CHKA: variants seen among roughly 807,000 people sequenced by gnomAD.
CHKA encodes the protein choline kinase alpha, also known as CHETK-alpha.
CHKA carries 34 observed loss-of-function variants against 60.1 expected under a neutral mutation model. The ratio of observed to expected loss-of-function variants is 0.57; its 90% CI spans 0.43 to 0.75. The LOEUF is 0.75. Among genes scored for constraint, CHKA ranks in the 30% least tolerant of loss-of-function variants. The pLI, the probability that CHKA is intolerant of heterozygous loss-of-function variation, is 0.00. For synonymous variants in CHKA, 217 were observed against 223.1 expected, an observed-to-expected ratio of 0.97 and a Z score of 0.24; for missense variants, 563 against 561.3, an observed-to-expected ratio of 1.00 and a Z score of -0.03.
At chr11:68,084,193 G>A (rs1481402285) in intron 2 of CHKA, among the ~76,000 whole-genome samples, 1 of 147,782 alleles carries the variant, frequency 6.8e-6, no homozygotes, top group Non-Finnish European at 1.5e-5. Flanking sequence ...GTTGTAGTGA[G>A]CCAAGATCAC....
chr11:68,077,774 G>A (rs1856841622), intron 3 of CHKA, among the ~76,000 whole-genome samples: 1 of 152,126 alleles, frequency 6.6e-6, no homozygotes, highest in African/African-American at 2.4e-5. Flanking sequence ...AGGGTGACTG[G>A]TGTGGTGGTG....
chr11:68,065,831 AG>A lies in CHKA; in HGVS notation c.1079del (p.Pro360LeufsTer42), dbSNP rs1856423772. On this transcript the variant is annotated frameshift_variant, in exon 9 of 12. Transcript: ENST00000265689. LOFTEE classifies it high-confidence loss of function. ...WMYDYSYEKY[P>X]FFRANIRKYP... Reference sequence around the variant, plus strand: ...ACTTCCGGATGTTTGCTCTGAAAAAAGGGTATTTTTCATAGCTATAATCATA... The same window carrying A: ...ACTTCCGGATGTTTGCTCTGAAAAAAGGTATTTTTCATAGCTATAATCATA... 2 of 1,607,644 alleles carry A rather than the reference AG, an allele frequency of 1.2e-6. No homozygotes were observed. The highest frequency in any genetic ancestry group is 2.7e-5 in the African/African-American group (2 of 74,852).
rs900372938 is a variant in CHKA at position 68,121,326 on chromosome 11, G to GCTGCGGCGACTGCGGCGA, written c.-167_-150dup. On this transcript the variant is annotated 5_prime_UTR_variant, in exon 1 of 12. Transcript: ENST00000265689. ...TTGGGCGCGCGGGGCGGCGGCGGCG[G>GCTGCGGCGACTGCGGCGA]CTGCGGCGACTGCGGCGACTGTGGA... The GCTGCGGCGACTGCGGCGA allele has an allele frequency of 3.8e-4, 107 of 278,648 alleles. No individual in the cohort carries two copies. The highest frequency in any genetic ancestry group is 2.1e-3 in the Admixed American group (33 of 15,584). 17.3% of individuals were successfully genotyped at this position (278,648 alleles called of 1,614,324 possible).
chr11:68,107,178 A>AG (rs1456758209), intron 1 of CHKA, among the ~76,000 whole-genome samples: 1 of 151,880 alleles, frequency 6.6e-6, no homozygotes, highest in Non-Finnish European at 1.5e-5. Flanking sequence ...CTTGAACCTG[A>AG]GCAGCAGTGA....
intron 2 of CHKA, among the ~76,000 whole-genome samples, chr11:68,083,681 T>G (rs991206195): frequency 4.6e-5 from 7 of 152,102 alleles, no homozygotes; most frequent in African/African-American, 1.4e-4. Context: ...ATATTGGCAC[T>G]ATAAGTGGTA....
chr11:68,120,795 T>A, intron 1 of CHKA, 33 bp downstream of exon 1: 2 of 1,001,188 alleles, frequency 2.0e-6, no homozygotes, highest in Non-Finnish European at 2.5e-6. Context: ...GTCACCTGAC[T>A]GTCCCGCGGC....
chr11:68,077,171 C>T (rs1315762791), intron 3 of CHKA, among the ~76,000 whole-genome samples: 1 of 151,088 alleles, frequency 6.6e-6, no homozygotes, highest in East Asian at 1.9e-4. Context: ...ACATGGGAGG[C>T]AGAGGTTGCA....
At chr11:68,070,421 G>GGC in intron 5 of CHKA, 128 bp from the exon 6 acceptor site, 1 of 734,876 alleles carries the variant, frequency 1.4e-6, no homozygotes, top group Non-Finnish European at 2.3e-6. Context: ...GGACCCCTCT[G>GGC]ACTGCCATGA....
chr11:68,079,777 C>T (rs1224994956), intron 3 of CHKA, among the ~76,000 whole-genome samples: 4 of 152,118 alleles, frequency 2.6e-5, no homozygotes, highest in Admixed American at 6.5e-5. Context: ...GTGAGACATC[C>T]GAGGAGAGAC....
rs1414939268 is a variant in CHKA at position 68,097,140 on chromosome 11, A to G, written c.351-10T>C. On this transcript the variant is annotated splice_polypyrimidine_tract_variant and intron_variant, in intron 1 of 11. Coordinates refer to ENST00000265689, the MANE Select transcript of CHKA (RefSeq NM_001277.3). ...GTTGCTAAGGCCGCCTCTGTCAGAA[A>G]TAAGAGGACAGTAAGTATCTTTATT... is the stretch of plus-strand genomic sequence containing the variant. The G allele has an allele frequency of 6.2e-7, 1 of 1,600,838 alleles. No individual in the cohort carries two copies. The highest frequency in any genetic ancestry group is 8.6e-7 in the Non-Finnish European group (1 of 1,168,910).
intron 2 of CHKA, among the ~76,000 whole-genome samples, chr11:68,096,646 A>G (rs1423472171): frequency 6.6e-6 from 1 of 152,218 alleles, no homozygotes; most frequent in African/African-American, 2.4e-5. Context: ...TCTTTTGGAT[A>G]ATGTTATAAA....
intron 11 of CHKA, 24 bp downstream of exon 11, chr11:68,061,929 A>C: frequency 6.6e-7 from 1 of 1,519,280 alleles, no homozygotes; most frequent in Non-Finnish European, 8.9e-7. Context: ...GAAAAAAAAA[A>C]ACAAAAACGC....
chr11:68,062,450 G>A (rs532145951), intron 10 of CHKA, among the ~76,000 whole-genome samples: 14 of 152,314 alleles, frequency 9.2e-5, no homozygotes, highest in African/African-American at 3.4e-4. Context: ...TGCTGGAGGC[G>A]GGATGAAGCT....
At chr11:68,100,567 G>A (rs897331341) in intron 1 of CHKA, among the ~76,000 whole-genome samples, 1 of 150,560 alleles carries the variant, frequency 6.6e-6, no homozygotes, top group Non-Finnish European at 1.5e-5. Flanking sequence ...TCCAGCCTGG[G>A]GGACAAGAAC....
At chr11:68,068,657 A>C (rs1280589522) in intron 7 of CHKA, among the ~76,000 whole-genome samples, 2 of 152,068 alleles carry the variant, frequency 1.3e-5, no homozygotes, top group Admixed American at 6.6e-5. Flanking sequence ...GGCTCAAGCA[A>C]TCCTCCCACC....
intron 1 of CHKA, among the ~76,000 whole-genome samples, chr11:68,102,162 T>A (rs1229125378): frequency 6.7e-6 from 1 of 149,406 alleles, no homozygotes; most frequent in Non-Finnish European, 1.5e-5. Flanking sequence ...TTCAATGCAA[T>A]CCCTATCAAA....
chr11:68,089,603 T>C (rs1191087436), intron 2 of CHKA, among the ~76,000 whole-genome samples: 2 of 152,240 alleles, frequency 1.3e-5, no homozygotes, highest in African/African-American at 2.4e-5. Context: ...GAAAGGAATC[T>C]GATTTGCTTT....
intron 3 of CHKA, among the ~76,000 whole-genome samples, chr11:68,079,051 A>C (rs998779451): frequency 1.3e-5 from 2 of 151,128 alleles, no homozygotes; most frequent in African/African-American, 4.9e-5. Flanking sequence ...CTCCTGCCTC[A>C]GCCTCCCGAG....
Position 68,060,234 on chromosome 11 carries a change from G to A in CHKA, c.1314+1719C>T, listed in dbSNP as rs191702183. On this transcript the variant is annotated intron_variant, in intron 11 of 11. Transcript: ENST00000265689. Reference sequence around the variant, plus strand: ...TTTTTAGTAGAGACGGGGTTTCACCGTGTTTGCCAGGATGGTCTCGATCTC... The same window carrying A: ...TTTTTAGTAGAGACGGGGTTTCACCATGTTTGCCAGGATGGTCTCGATCTC... 9.2e-3 allele frequency among the ~76,000 whole-genome samples: 1,396 copies of A among 151,274 alleles called. 14 individuals carry two copies. Among genetic ancestry groups the A allele is most frequent in the African/African-American group, 0.029 (1,214 of 41,196 alleles).
Sources: allele counts gnomAD v4.1 joint callset (sites outside exome capture counted in the v4.1 genomes callset), GRCh38; gene constraint gnomAD v4.1.1; transcripts MANE v1.5; gene names NCBI Gene and HGNC (gene_info 2026-07-23, HGNC 2026-07-21).